The following SNX24 variants were observed in gnomAD, a reference collection of about 807,000 sequenced individuals.
SNX24 encodes the protein sorting nexin-24.
SNX24 carries 22 observed loss-of-function variants against 28.7 expected under a neutral mutation model. The ratio of observed to expected loss-of-function variants is 0.77; its 90% CI spans 0.55 to 1.10. The LOEUF (loss-of-function observed/expected upper bound fraction) is 1.10, where lower values mean the gene tolerates loss of function less well. SNX24 is among the 50% of genes least tolerant of loss of function. SNX24 has a pLI of 0.00. For missense variants in SNX24, 221 were observed against 201.1 expected, an observed-to-expected ratio of 1.10 and a Z score of -0.60; for synonymous variants, 69 against 71.5, an observed-to-expected ratio of 0.96 and a Z score of 0.18.
chr5:122,934,793 C>G (rs188824164), intron 1 of SNX24, among the ~76,000 whole-genome samples: 13 of 152,236 alleles, frequency 8.5e-5, no homozygotes, highest in Non-Finnish European at 1.6e-4. Context: ...GTTTTTTCAA[C>G]TGTAACATTA....
intron 1 of SNX24, among the ~76,000 whole-genome samples, chr5:122,906,193 A>G (rs1757640140): frequency 1.3e-5 from 2 of 152,320 alleles, no homozygotes; most frequent in Admixed American, 1.3e-4. Context: ...CTGGGATAAC[A>G]GCAGTAGACC....
At chr5:122,871,840 G>C (rs1755995489) in intron 1 of SNX24, among the ~76,000 whole-genome samples, 1 of 152,128 alleles carries the variant, frequency 6.6e-6, no homozygotes, top group Non-Finnish European at 1.5e-5. Context: ...GAGTGTCATT[G>C]TTAAGTTTTG....
At position 123,008,497 on chromosome 5, in the gene SNX24, CTG is replaced by C. The variant is rs2150181955; in HGVS notation, c.*750_*751del. On this transcript the variant is annotated 3_prime_UTR_variant, in exon 7 of 7. Coordinates refer to ENST00000261369, the MANE Select transcript of SNX24 (RefSeq NM_014035.4). ...TTTCCTCCTATGTTGGAAAAAAAGACTGTTTCTTTGTTTGAAGACCAAGTGAA... is the reference window on the plus strand; with the variant it reads ...TTTCCTCCTATGTTGGAAAAAAAGACTTTCTTTGTTTGAAGACCAAGTGAA... 6.2e-6 allele frequency: 1 copy of C among 160,646 alleles called. No individual in the cohort carries two copies. Among genetic ancestry groups the C allele is most frequent in the East Asian group, 1.9e-4 (1 of 5,158 alleles). 10.0% of individuals were successfully genotyped at this position (160,646 alleles called of 1,614,324 possible).
chr5:122,990,950 G>T (rs1259321375), intron 3 of SNX24, among the ~76,000 whole-genome samples: 1 of 152,146 alleles, frequency 6.6e-6, no homozygotes, highest in Non-Finnish European at 1.5e-5. Context: ...TGTCTGGAGT[G>T]CAGTGGCCCT....
chr5:122,929,527 C>A (rs1160687545), intron 1 of SNX24, among the ~76,000 whole-genome samples: 1 of 151,846 alleles, frequency 6.6e-6, no homozygotes, highest in East Asian at 1.9e-4. Flanking sequence ...GCCAAATGGA[C>A]GTTCTTTTCT....
chr5:122,939,889 C>T (rs1457221759), intron 2 of SNX24, among the ~76,000 whole-genome samples: 2 of 152,222 alleles, frequency 1.3e-5, no homozygotes, highest in Non-Finnish European at 2.9e-5. Flanking sequence ...CTTAGAACCA[C>T]ACATCTCAAG....
intron 3 of SNX24, chr5:122,965,625 A>G (rs1331756473): frequency 3.4e-6 from 1 of 293,620 alleles, no homozygotes; most frequent in African/African-American, 2.2e-5. Context: ...ATGGATGGGG[A>G]TGGCTCACAT....
chr5:122,866,687 A>T (rs984390077), intron 1 of SNX24, among the ~76,000 whole-genome samples: 6 of 152,110 alleles, frequency 3.9e-5, no homozygotes, highest in African/African-American at 1.4e-4. Flanking sequence ...CAGACAGGAG[A>T]TCCTTACCTC....
chr5:122,937,678 T>C (rs550603648), intron 2 of SNX24, among the ~76,000 whole-genome samples: 1 of 152,152 alleles, frequency 6.6e-6, no homozygotes, highest in Admixed American at 6.5e-5. Flanking sequence ...TCTAAGTTAT[T>C]GGTACACTTT....
At chr5:123,011,707 T>A (rs1342039129), downstream of SNX24, among the ~76,000 whole-genome samples, 1 of 152,190 alleles carries the variant, frequency 6.6e-6, no homozygotes, top group South Asian at 2.1e-4. Context: ...TTGCAACCCT[T>A]GTAACTGTAC....
rs1205192893 is a variant in SNX24, at chr5:122,891,109, G to C, written c.60+45416G>C. 3.3e-6 allele frequency: 5 copies of C among 1,530,544 alleles called. No individual in the cohort carries two copies. The African/African-American group carries it at 4.2e-5, about 13-fold the overall frequency. 94.8% of individuals were successfully genotyped at this position (1,530,544 alleles called of 1,614,324 possible). A position where few individuals can be genotyped will look rare whatever the true frequency, so the allele number is the denominator to read the frequency against. On this transcript the variant is annotated intron_variant, in intron 1 of 6. Transcript: ENST00000261369. ...GTTCTGGAAATTGCTTTTTCAAATG[G>C]AAGACTTACATATCAGGTATTTTTG...
downstream of SNX24, among the ~76,000 whole-genome samples, chr5:123,010,449 T>C (rs1403401308): frequency 1.3e-5 from 2 of 151,988 alleles, no homozygotes; most frequent in Admixed American, 6.6e-5. Context: ...CCACCACGCC[T>C]GGCTAATTTT....
At chr5:122,896,419 C>T (rs1332170222) in intron 1 of SNX24, among the ~76,000 whole-genome samples, 2 of 152,180 alleles carry the variant, frequency 1.3e-5, no homozygotes, top group Non-Finnish European at 2.9e-5. Context: ...ATGTTCATGT[C>T]ATTCTCTCTG....
intron 5 of SNX24, among the ~76,000 whole-genome samples, chr5:123,017,652 C>T (rs146670228): frequency 3.7e-4 from 56 of 152,062 alleles, no homozygotes; most frequent in Admixed American, 9.2e-4. Context: ...GGGAGGGACC[C>T]GGTGGGAGGT....
At chr5:123,021,629 AT>A in intron 5 of SNX24, among the ~76,000 whole-genome samples, 1 of 152,198 alleles carries the variant, frequency 6.6e-6, no homozygotes, top group Non-Finnish European at 1.5e-5. Flanking sequence ...AATTCTCCTT[AT>A]AGCAGATAAA....
chr5:122,978,903 A>C (rs1403519368), intron 3 of SNX24, among the ~76,000 whole-genome samples: 2 of 152,248 alleles, frequency 1.3e-5, no homozygotes, highest in Non-Finnish European at 1.5e-5. Flanking sequence ...TAAAAGGCAT[A>C]TAAACCAAAA....
chr5:122,861,708 CT>C (rs796632540), intron 1 of SNX24, among the ~76,000 whole-genome samples: 5 of 148,642 alleles, frequency 3.4e-5, no homozygotes, highest in East Asian at 2.0e-4. Context: ...TTTTCAGTTG[CT>C]TTTTTTTTTC....
intron 1 of SNX24, among the ~76,000 whole-genome samples, chr5:122,893,155 T>C (rs1378764448): frequency 1.4e-5 from 2 of 146,568 alleles, no homozygotes; most frequent in Non-Finnish European, 3.0e-5. Flanking sequence ...TATAGACCCA[T>C]GGCTTAAAAA....
At chr5:122,944,890 T>C (rs1759617802) in intron 2 of SNX24, among the ~76,000 whole-genome samples, 2 of 152,192 alleles carry the variant, frequency 1.3e-5, no homozygotes, top group East Asian at 3.8e-4. Context: ...AGGAGTAACG[T>C]TGGTAGGTTT....
Sources: gnomAD v4.1 joint callset for allele counts (sites outside exome capture counted in the v4.1 genomes callset) on GRCh38, gnomAD v4.1.1 for gene constraint, MANE v1.5 for transcripts, NCBI Gene and HGNC (gene_info 2026-07-23, HGNC 2026-07-21) for gene names.